The following CCSER1 variants were observed in gnomAD, a reference collection of about 807,000 sequenced individuals.
The protein encoded by CCSER1 is serine-rich coiled-coil domain-containing protein 1.
In CCSER1, 41 loss-of-function variants were observed where a neutral mutation model predicts 82.0. The ratio of observed to expected loss-of-function variants is 0.50; its 90% confidence interval spans 0.39 to 0.65. CCSER1 has a LOEUF of 0.65. Ranked by LOEUF, CCSER1 falls within the 30% of genes least tolerant of loss-of-function variation. The pLI, the probability that CCSER1 is intolerant of heterozygous loss-of-function variation, is 0.00. For synonymous variants in CCSER1, 414 were observed against 383.9 expected, an observed-to-expected ratio of 1.08 and a Z score of -0.92; for missense variants, 1,119 against 1,064.2, an observed-to-expected ratio of 1.05 and a Z score of -0.72.
intron 10 of CCSER1, among the ~76,000 whole-genome samples, chr4:91,177,956 A>G (rs1436557013): frequency 6.6e-6 from 1 of 152,164 alleles, no homozygotes; most frequent in Non-Finnish European, 1.5e-5. Flanking sequence ...TTAGTGCTAT[A>G]AATTTCCCTC....
chr4:90,451,384 C>T (rs535667520), intron 4 of CCSER1, among the ~76,000 whole-genome samples: 3 of 152,288 alleles, frequency 2.0e-5, no homozygotes, highest in South Asian at 4.1e-4. Context: ...GAGGTAGACT[C>T]CCATCCTTTG....
At chr4:90,413,530 C>A (rs1755222617) in intron 4 of CCSER1, among the ~76,000 whole-genome samples, 1 of 152,052 alleles carries the variant, frequency 6.6e-6, no homozygotes, top group Admixed American at 6.6e-5. Flanking sequence ...GCACATTACC[C>A]AACTTCAAAT....
chr4:90,956,798 T>C (rs1733483479), intron 9 of CCSER1, among the ~76,000 whole-genome samples: 1 of 151,248 alleles, frequency 6.6e-6, no homozygotes, highest in Admixed American at 6.6e-5. Context: ...AAAGACAGTA[T>C]TTTAACTCTG....
chr4:91,226,616 T>C (rs1738225736), intron 10 of CCSER1, among the ~76,000 whole-genome samples: 3 of 151,906 alleles, frequency 2.0e-5, no homozygotes, highest in African/African-American at 7.2e-5. Flanking sequence ...AATTTTGTAG[T>C]GATTAAAGAT....
intron 10 of CCSER1, among the ~76,000 whole-genome samples, chr4:91,309,306 A>G (rs2149250646): frequency 6.6e-6 from 1 of 152,110 alleles, no homozygotes; most frequent in South Asian, 2.1e-4. Flanking sequence ...TAAAACCACC[A>G]ACAACAAATT....
chr4:90,551,706 C>CTCTCTCTATATATATATATA, intron 5 of CCSER1, among the ~76,000 whole-genome samples: 72 of 104,208 alleles, frequency 6.9e-4, no homozygotes, highest in South Asian at 2.4e-3. Context: ...CTCTCTCTCT[C>CTCTCTCTATATATATATATA]TATATATATA....
At chr4:90,649,559 A>G (rs1478271788) in intron 6 of CCSER1, 13 of 152,252 alleles carry the variant, frequency 8.5e-5, no homozygotes, top group Non-Finnish European at 1.6e-4. Context: ...CAAGCCAGGA[A>G]GAGAGCCATC....
intron 10 of CCSER1, among the ~76,000 whole-genome samples, chr4:91,512,642 G>C (rs1023845048): frequency 9.9e-5 from 15 of 152,208 alleles, no homozygotes; most frequent in South Asian, 6.2e-4. Context: ...TATTAGTTCT[G>C]TCCCTCTAGG....
At chr4:90,792,618 A>T (rs1319330608) in intron 7 of CCSER1, among the ~76,000 whole-genome samples, 1 of 152,220 alleles carries the variant, frequency 6.6e-6, no homozygotes, top group Non-Finnish European at 1.5e-5. Context: ...GACAGAATAC[A>T]TGGACACTCA....
intron 5 of CCSER1, among the ~76,000 whole-genome samples, chr4:90,556,302 T>C (rs959946914): frequency 6.6e-6 from 1 of 152,092 alleles, no homozygotes; most frequent in Non-Finnish European, 1.5e-5. Context: ...TTAAACTTCC[T>C]AGGCTCATAT....
intron 10 of CCSER1, among the ~76,000 whole-genome samples, chr4:91,249,313 C>T (rs1193174949): frequency 2.0e-5 from 3 of 152,028 alleles, no homozygotes; most frequent in African/African-American, 7.2e-5. Context: ...TTTTTCTTTT[C>T]CCAATAGTTT....
At chr4:90,928,284 T>C (rs1039770052) in intron 9 of CCSER1, among the ~76,000 whole-genome samples, 5 of 151,458 alleles carry the variant, frequency 3.3e-5, no homozygotes, top group Admixed American at 2.0e-4. Context: ...CTATCATGTT[T>C]AAAAACATGA....
At chr4:90,531,007 T>C (rs1259265366) in intron 5 of CCSER1, among the ~76,000 whole-genome samples, 2 of 152,194 alleles carry the variant, frequency 1.3e-5, no homozygotes, top group Non-Finnish European at 2.9e-5. Context: ...AAAACAGATT[T>C]GTTGAGTTCA....
rs549765715 is a variant in CCSER1 at position 90,652,334 on chromosome 4, C to A, written c.1932+24102C>A. Among the ~76,000 whole-genome samples the A allele has an allele frequency of 5.3e-5, 8 of 152,150 alleles. No homozygotes were observed. The East Asian group carries it at 1.5e-3, about 29-fold the overall frequency. ...CAAAAGTTCCTAGTTTTTGTGATGT[C>A]TTTTATAATAATGTTGTATATGATT... On this transcript the variant is annotated intron_variant, in intron 6 of 10. Transcript: ENST00000509176.
intron 10 of CCSER1, among the ~76,000 whole-genome samples, chr4:91,358,571 T>G (rs1490132905): frequency 1.3e-5 from 2 of 151,972 alleles, no homozygotes; most frequent in Admixed American, 1.3e-4. Flanking sequence ...AACCAAAGTA[T>G]CCAGCAATTC....
intron 5 of CCSER1, among the ~76,000 whole-genome samples, chr4:90,521,814 CAG>C (rs1224058267): frequency 4.6e-5 from 7 of 152,128 alleles, no homozygotes; most frequent in Non-Finnish European, 7.4e-5. Flanking sequence ...CTTTCTGAAA[CAG>C]GGGACATTAA....
chr4:91,121,005 A>G (rs986670993), intron 10 of CCSER1, among the ~76,000 whole-genome samples: 1 of 151,928 alleles, frequency 6.6e-6, no homozygotes, highest in Non-Finnish European at 1.5e-5. Context: ...TCTGATTTGG[A>G]AAAGGGTCAT....
At chr4:91,238,390 C>T (rs996770569) in intron 10 of CCSER1, among the ~76,000 whole-genome samples, 1 of 152,130 alleles carries the variant, frequency 6.6e-6, no homozygotes. Context: ...TTCCCAAAGA[C>T]ATGAGGATGT....
At chr4:90,961,925 G>A (rs938629239) in intron 9 of CCSER1, among the ~76,000 whole-genome samples, 1 of 152,158 alleles carries the variant, frequency 6.6e-6, no homozygotes, top group Non-Finnish European at 1.5e-5. Flanking sequence ...AACAGAAAAT[G>A]AGAAAAGATT....
Sources: allele counts gnomAD v4.1 joint callset (sites outside exome capture counted in the v4.1 genomes callset), GRCh38; gene constraint gnomAD v4.1.1; transcripts MANE v1.5; gene names NCBI Gene and HGNC (gene_info 2026-07-23, HGNC 2026-07-21).